PDSS2: variants seen among roughly 807,000 people sequenced by gnomAD.
The protein encoded by PDSS2 is all trans-polyprenyl-diphosphate synthase PDSS2.
PDSS2 carries 31 observed loss-of-function variants against 44.5 expected under a neutral mutation model. The ratio of observed to expected loss-of-function variants is 0.70; its 90% CI spans 0.52 to 0.94. The LOEUF (loss-of-function observed/expected upper bound fraction) is 0.94. PDSS2 is among the 40% of genes least tolerant of loss of function. The pLI, the probability that PDSS2 is intolerant of heterozygous loss-of-function variation, is 0.00. For missense variants in PDSS2, 452 were observed against 482.2 expected, an observed-to-expected ratio of 0.94 and a Z score of 0.59; for synonymous variants, 157 against 180.3, an observed-to-expected ratio of 0.87 and a Z score of 1.03.
intron 4 of PDSS2, among the ~76,000 whole-genome samples, chr6:107,221,167 C>T (rs1028504249): frequency 1.6e-4 from 24 of 151,868 alleles, no homozygotes; most frequent in Non-Finnish European, 3.4e-4. Flanking sequence ...ACGGTGAAAC[C>T]CCGTCTCTAC....
intron 2 of PDSS2, among the ~76,000 whole-genome samples, chr6:107,287,578 G>C (rs1465999483): frequency 6.6e-6 from 1 of 152,076 alleles, no homozygotes; most frequent in Non-Finnish European, 1.5e-5. Flanking sequence ...CTGGAGTGCA[G>C]TGGTGCAATC....
chr6:107,219,542 C>T (rs1773530813), intron 4 of PDSS2, among the ~76,000 whole-genome samples: 2 of 152,184 alleles, frequency 1.3e-5, no homozygotes, highest in African/African-American at 4.8e-5. Context: ...CCGCCTTGGC[C>T]TCCCAAAATG....
intron 2 of PDSS2, among the ~76,000 whole-genome samples, chr6:107,282,783 G>A (rs1027808434): frequency 2.7e-5 from 4 of 150,666 alleles, no homozygotes; most frequent in African/African-American, 9.7e-5. Context: ...GCAGGAGAAT[G>A]GCGTGAACCT....
intron 3 of PDSS2, among the ~76,000 whole-genome samples, chr6:107,271,073 C>T (rs916352120): frequency 1.4e-4 from 21 of 152,178 alleles, no homozygotes; most frequent in Admixed American, 1.3e-3. Context: ...GTTGCAGAGT[C>T]GTATGCATAT....
chr6:107,341,832 A>AT (rs1315112286), intron 1 of PDSS2, among the ~76,000 whole-genome samples: 1 of 152,204 alleles, frequency 6.6e-6, no homozygotes, highest in Non-Finnish European at 1.5e-5. Context: ...TGGTAACAAT[A>AT]TAACAACAAC....
At chr6:107,218,502 G>A (rs942013819) in intron 4 of PDSS2, among the ~76,000 whole-genome samples, 3 of 152,112 alleles carry the variant, frequency 2.0e-5, no homozygotes, top group East Asian at 1.9e-4. Context: ...CTTACCTTGC[G>A]TTAAACCTTT....
At chr6:107,302,997 T>C (rs1208622963) in intron 2 of PDSS2, among the ~76,000 whole-genome samples, 1 of 152,216 alleles carries the variant, frequency 6.6e-6, no homozygotes, top group Non-Finnish European at 1.5e-5. Flanking sequence ...TAAAATTATA[T>C]TTCTGTCTAA....
At chr6:107,180,719 T>C (rs913019713) in intron 7 of PDSS2, among the ~76,000 whole-genome samples, 9 of 152,212 alleles carry the variant, frequency 5.9e-5, no homozygotes, top group Non-Finnish European at 8.8e-5. Flanking sequence ...ATTATGTAGA[T>C]ATGTAATTTT....
intron 3 of PDSS2, among the ~76,000 whole-genome samples, chr6:107,264,866 T>C (rs1343413390): frequency 6.6e-6 from 1 of 152,158 alleles, no homozygotes; most frequent in Non-Finnish European, 1.5e-5. Flanking sequence ...ATGGACACAA[T>C]ATAGAGCAAC....
chr6:107,308,800 T>G (rs1776942785), intron 2 of PDSS2, among the ~76,000 whole-genome samples: 1 of 152,248 alleles, frequency 6.6e-6, no homozygotes. Flanking sequence ...CTGCTGCTGC[T>G]GATCCCAACA....
At chr6:107,206,847 ACT>A (rs1772993223) in intron 6 of PDSS2, among the ~76,000 whole-genome samples, 1 of 152,066 alleles carries the variant, frequency 6.6e-6, no homozygotes, top group Admixed American at 6.6e-5. Context: ...TACCAACTTA[ACT>A]CTAACAAAAC....
At chr6:107,331,537 G>A (rs1329572196) in intron 2 of PDSS2, among the ~76,000 whole-genome samples, 2 of 152,110 alleles carry the variant, frequency 1.3e-5, no homozygotes, top group African/African-American at 2.4e-5. Context: ...AGGACCAAAA[G>A]CAATGAAATT....
At chr6:107,423,108 T>C (rs771263370) in intron 1 of PDSS2, among the ~76,000 whole-genome samples, 2 of 152,106 alleles carry the variant, frequency 1.3e-5, no homozygotes, top group African/African-American at 2.4e-5. Flanking sequence ...AAAAAATCCA[T>C]GCAACCCAAG....
chr6:107,413,965 C>A (rs1780583519), intron 1 of PDSS2, among the ~76,000 whole-genome samples: 1 of 145,762 alleles, frequency 6.9e-6, no homozygotes, highest in East Asian at 2.0e-4. Flanking sequence ...CTGGATAGGC[C>A]TGCCACAGAG....
chr6:107,209,810 C>T (rs1014589359), intron 6 of PDSS2, among the ~76,000 whole-genome samples: 2 of 151,962 alleles, frequency 1.3e-5, no homozygotes, highest in Non-Finnish European at 2.9e-5. Context: ...CCAATTACAG[C>T]CACGAAGTTA....
chr6:107,181,539 A>AAAAAAAG (rs1426021436), intron 7 of PDSS2, among the ~76,000 whole-genome samples: 3 of 144,832 alleles, frequency 2.1e-5, no homozygotes, highest in African/African-American at 7.7e-5. Flanking sequence ...GTCTCAAAAA[A>AAAAAAAG]AAAAGAAAAG....
intron 1 of PDSS2, among the ~76,000 whole-genome samples, chr6:107,376,570 G>A (rs1455500872): frequency 6.6e-6 from 1 of 152,106 alleles, no homozygotes; most frequent in Non-Finnish European, 1.5e-5. Context: ...GTCTGTTATT[G>A]GTGTATAAGA....
At chr6:107,279,826 C>T (rs1775901755) in intron 2 of PDSS2, among the ~76,000 whole-genome samples, 1 of 152,022 alleles carries the variant, frequency 6.6e-6, no homozygotes, top group Non-Finnish European at 1.5e-5. Flanking sequence ...ATTTTATCAC[C>T]AGATAAGTAA....
intron 1 of PDSS2, among the ~76,000 whole-genome samples, chr6:107,433,410 A>G (rs1562536835): frequency 1.3e-5 from 2 of 152,182 alleles, no homozygotes; most frequent in Non-Finnish European, 2.9e-5. Context: ...GTACTGGCAT[A>G]AAAACAGACA....
Sources: allele counts gnomAD v4.1 joint callset (sites outside exome capture counted in the v4.1 genomes callset), GRCh38; gene constraint gnomAD v4.1.1; transcripts MANE v1.5; gene names NCBI Gene and HGNC (gene_info 2026-07-23, HGNC 2026-07-21).